The following DERA variants were observed in gnomAD, a reference collection of about 807,000 sequenced individuals.
DERA encodes the protein 2-deoxy-D-ribose 5-phosphate aldolase.
Under a neutral mutation model 41.1 loss-of-function variants are expected in DERA, and 15 were observed. The ratio of observed to expected loss-of-function variants is 0.37; its 90% CI spans 0.24 to 0.56. The LOEUF is 0.56. Ranked by LOEUF, DERA falls within the 20% of genes least tolerant of loss-of-function variation. The probability of loss-of-function intolerance (pLI) is 0.81; values close to 1 mark genes in which losing one functional copy is unlikely to be tolerated. For synonymous variants in DERA, 139 were observed against 137.4 expected, an observed-to-expected ratio of 1.01 and a Z score of -0.08; for missense variants, 396 against 403.4, an observed-to-expected ratio of 0.98 and a Z score of 0.16.
At chr12:15,975,801 G>A (rs1948693089) in intron 5 of DERA, among the ~76,000 whole-genome samples, 2 of 152,234 alleles carry the variant, frequency 1.3e-5, no homozygotes, top group Non-Finnish European at 2.9e-5. Flanking sequence ...TTCTTTGAGA[G>A]CTTCCTTGCT....
chr12:16,006,138 T>A (rs1216376382), intron 6 of DERA, among the ~76,000 whole-genome samples: 1 of 152,216 alleles, frequency 6.6e-6, no homozygotes, highest in Non-Finnish European at 1.5e-5. Flanking sequence ...AGATGTGGAC[T>A]TTGTGAAAAT....
At chr12:16,018,123 G>A (rs141416429) in intron 6 of DERA, among the ~76,000 whole-genome samples, 8 of 152,124 alleles carry the variant, frequency 5.3e-5, no homozygotes, top group East Asian at 1.9e-4. Context: ...AATCACATCC[G>A]AAGCTTATTA....
rs577002658 is a variant in DERA, at chr12:16,035,356, G to A, written c.751-876G>A. The stretch of plus-strand genomic sequence containing the variant: ...CAGTCATAGCCCTGAGTGATAAAAC[G>A]TGAGAGATTTAGTACTCAGGCTCTG... On this transcript the variant is annotated intron_variant, in intron 7 of 8. Coordinates refer to ENST00000428559, the MANE Select transcript of DERA (RefSeq NM_015954.4). This position sits in a 1 kb window ranked among gnomAD's most constrained non-coding sequence, Gnocchi z 4.1. Among the ~76,000 whole-genome samples the A allele has an allele frequency of 2.0e-5, 3 of 152,224 alleles. No homozygotes were observed. Among genetic ancestry groups the A allele is most frequent in the South Asian group, 4.1e-4 (2 of 4,820 alleles).
rs2136183794 is a variant in DERA, at chr12:16,019,426, AC to A, written c.638-13114del. 1.3e-5 allele frequency among the ~76,000 whole-genome samples: 2 copies of A among 152,338 alleles called. No individual in the cohort carries two copies. The highest frequency in any genetic ancestry group is 4.1e-4 in the South Asian group (2 of 4,830). The stretch of plus-strand genomic sequence containing the variant: ...ATTTCATGTGATCAGACCTCACATT[AC>A]CTAAAGAACAGAGCCCAATGTCTGT... On this transcript the variant is annotated intron_variant, in intron 6 of 8. Coordinates refer to ENST00000428559, the MANE Select transcript of DERA (RefSeq NM_015954.4). The surrounding 1 kb of genome is among the most constrained non-coding windows in gnomAD (Gnocchi z 4.4).
At position 16,008,297 on chromosome 12, in the gene DERA, A is replaced by C. The variant is rs1250987021; in HGVS notation, c.638-24245A>C. Among the ~76,000 whole-genome samples, 1 of 152,224 alleles carries C rather than the reference A, an allele frequency of 6.6e-6. No individual in the cohort carries two copies. Among genetic ancestry groups the C allele is most frequent in the Non-Finnish European group, 1.5e-5 (1 of 68,046 alleles). On this transcript the variant is annotated intron_variant, in intron 6 of 8. Coordinates refer to ENST00000428559, the MANE Select transcript of DERA (RefSeq NM_015954.4). This position sits in a 1 kb window ranked among gnomAD's most constrained non-coding sequence, Gnocchi z 4.8. The stretch of plus-strand genomic sequence containing the variant: ...TGGCTTCTCACTTTTAGCTTTTCCT[A>C]ATATTTCCTAATAGCTTTCTCAAAT...
rs1447995864 is a variant in DERA at position 16,026,562 on chromosome 12, G to A, written c.638-5980G>A. Among the ~76,000 whole-genome samples the A allele has an allele frequency of 6.7e-6, 1 of 150,182 alleles. No homozygotes were observed. The highest frequency in any genetic ancestry group is 1.5e-5 in the Non-Finnish European group (1 of 67,488). On this transcript the variant is annotated intron_variant, in intron 6 of 8. Coordinates refer to ENST00000428559, the MANE Select transcript of DERA (RefSeq NM_015954.4). The surrounding 1 kb of genome is among the most constrained non-coding windows in gnomAD (Gnocchi z 4.4). ...TAATTTCTTTTATAAAATATTTAAT[G>A]TGACTTTTACATAAATTGTAAATAT...
chr12:15,956,871 T>C, intron 1 of DERA, 65 bp from the exon 2 acceptor site: 1 of 1,166,974 alleles, frequency 8.6e-7, no homozygotes, highest in Non-Finnish European at 1.3e-6. Context: ...AAGGACCATG[T>C]AAAAATAGGT....
intron 5 of DERA, among the ~76,000 whole-genome samples, chr12:15,975,827 T>C (rs1244643044): frequency 1.3e-5 from 2 of 152,258 alleles, no homozygotes; most frequent in African/African-American, 4.8e-5. Flanking sequence ...GTAATAGATG[T>C]TTCAGGCGTA....
chr12:15,992,819 G>A lies in DERA; in HGVS notation c.637+10383G>A, dbSNP rs1026301158. The stretch of plus-strand genomic sequence containing the variant: ...ATCTTTCAGTAGCGGTGGACTGTTC[G>A]CACACACTCAACAGTTAACAAGCTC... On this transcript the variant is annotated intron_variant, in intron 6 of 8. Transcript: ENST00000428559. The surrounding 1 kb of genome is among the most constrained non-coding windows in gnomAD (Gnocchi z 4.3). Among the ~76,000 whole-genome samples the A allele has an allele frequency of 5.9e-5, 9 of 152,066 alleles. No individual in the cohort carries two copies. Among genetic ancestry groups the A allele is most frequent in the Non-Finnish European group, 1.3e-4 (9 of 67,982 alleles).
rs878990550 is a variant in DERA at position 15,954,826 on chromosome 12, C to T, written c.32-2110C>T. ...GGGGTGTCCTGTGACCGATAAAGGA[C>T]AGCCTGTCAAAGCCTTGCCCCACTG... On this transcript the variant is annotated intron_variant, in intron 1 of 8. Transcript: ENST00000428559. The surrounding 1 kb of genome is among the most constrained non-coding windows in gnomAD (Gnocchi z 4.0). Among the ~76,000 whole-genome samples, 1 of 152,146 alleles carries T rather than the reference C, an allele frequency of 6.6e-6. No homozygotes were observed. The highest frequency in any genetic ancestry group is 6.5e-5 in the Admixed American group (1 of 15,272).
At chr12:16,029,742 T>G (rs1307497769) in intron 6 of DERA, among the ~76,000 whole-genome samples, 2 of 152,052 alleles carry the variant, frequency 1.3e-5, no homozygotes, top group Non-Finnish European at 2.9e-5. Flanking sequence ...TAGCTACTGC[T>G]GGGCTACTGT....
chr12:15,930,665 T>A (rs191095468), intron 1 of DERA, among the ~76,000 whole-genome samples: 1 of 152,296 alleles, frequency 6.6e-6, no homozygotes, highest in East Asian at 1.9e-4. Flanking sequence ...ACTGTTATAA[T>A]TCTCAGTAGG....
At position 15,992,707 on chromosome 12, in the gene DERA, G is replaced by A. The variant is rs1948810296; in HGVS notation, c.637+10271G>A. Among the ~76,000 whole-genome samples, 1 of 152,262 alleles carries A rather than the reference G, an allele frequency of 6.6e-6. No homozygotes were observed. ...AAACATACTTACAGAAAAGAGAAGT[G>A]TAAAGCAGGTCAATCTACTGCTAAG... On this transcript the variant is annotated intron_variant, in intron 6 of 8. Transcript: ENST00000428559. This position sits in a 1 kb window ranked among gnomAD's most constrained non-coding sequence, Gnocchi z 4.3.
rs2290978 is a variant in DERA, at chr12:16,036,608, T to C, written c.901-82T>C. ...TAATGAAATGTTCATTAAAACTATT[T>C]ATTATTATTTGATAGTATAATTATT... On this transcript the variant is annotated intron_variant, in intron 8 of 8. Coordinates refer to ENST00000428559, the MANE Select transcript of DERA (RefSeq NM_015954.4). The surrounding 1 kb of genome is among the most constrained non-coding windows in gnomAD (Gnocchi z 4.9). 251,629 of 1,106,582 alleles carry C rather than the reference T, an allele frequency of 0.23. 30,873 individuals are homozygous for C. Among genetic ancestry groups the C allele is most frequent in the Admixed American group, 0.4 (18,097 of 45,024 alleles). The allele number at this position is 1,106,582 out of a possible 1,614,324, so 68.5% of individuals were successfully genotyped here.
In DERA at chr12:15,915,884, A is replaced by G. The variant is rs1461758088; in HGVS notation, c.31+4470A>G. ...TGCCGAAAACCAGTTAGGTATAGCT[A>G]ATGTGGCAGAGCCAGAATTCAAGCC... On this transcript the variant is annotated intron_variant, in intron 1 of 8. Coordinates refer to ENST00000428559, the MANE Select transcript of DERA (RefSeq NM_015954.4). This position sits in a 1 kb window ranked among gnomAD's most constrained non-coding sequence, Gnocchi z 4.8. Among the ~76,000 whole-genome samples the G allele has an allele frequency of 6.6e-6, 1 of 152,184 alleles. No homozygotes were observed. The highest frequency in any genetic ancestry group is 1.5e-5 in the Non-Finnish European group (1 of 68,038).
rs1948629235 is a variant in DERA, at chr12:15,967,239, G to A, written c.508+4292G>A. 6.6e-6 allele frequency among the ~76,000 whole-genome samples: 1 copy of A among 151,878 alleles called. No individual in the cohort carries two copies. Among genetic ancestry groups the A allele is most frequent in the Admixed American group, 6.6e-5 (1 of 15,256 alleles). On this transcript the variant is annotated intron_variant, in intron 5 of 8. Transcript: ENST00000428559. This position sits in a 1 kb window ranked among gnomAD's most constrained non-coding sequence, Gnocchi z 4.9. ...CCTGGTGTTGTGGTATGCGCCTGTA[G>A]TCCCAGCTACTCAAGGTTGGGCCTG...
At chr12:15,951,587 A>G (rs1024982487) in intron 1 of DERA, 1 of 152,148 alleles carries the variant, frequency 6.6e-6, no homozygotes. Flanking sequence ...TCAAGAGTCA[A>G]GTATTATTAT....
chr12:15,950,455 C>A (rs979738521), intron 1 of DERA, among the ~76,000 whole-genome samples: 1 of 152,248 alleles, frequency 6.6e-6, no homozygotes, highest in Non-Finnish European at 1.5e-5. Flanking sequence ...TTTACTGCAA[C>A]CTGTTTTATC....
chr12:15,944,170 A>G (rs943392644), intron 1 of DERA, among the ~76,000 whole-genome samples: 5 of 152,026 alleles, frequency 3.3e-5, no homozygotes, highest in Non-Finnish European at 5.9e-5. Flanking sequence ...GCTTTTGTGA[A>G]TAGTGCCGCA....
Sources: gnomAD v4.1 joint callset for allele counts (sites outside exome capture counted in the v4.1 genomes callset) on GRCh38, gnomAD v4.1.1 for gene constraint, Gnocchi (gnomAD v3.1) non-coding constraint, MANE v1.5 for transcripts, NCBI Gene and HGNC (gene_info 2026-07-23, HGNC 2026-07-21) for gene names.